TCF7L1: variants seen among roughly 807,000 people sequenced by gnomAD.
TCF7L1 encodes transcription factor 7 like 1, also known as transcription factor 7-like 1.
TCF7L1 carries 18 observed loss-of-function variants against 63.7 expected under a neutral mutation model. The observed-to-expected ratio is 0.28, with a 90% CI of 0.20 to 0.42. The LOEUF (loss-of-function observed/expected upper bound fraction) is 0.42. Ranked by LOEUF, TCF7L1 falls within the 10% of genes least tolerant of loss-of-function variation. The probability of loss-of-function intolerance (pLI) is 1.00; values close to 1 mark genes in which losing one functional copy is unlikely to be tolerated. For missense variants in TCF7L1, 654 were observed against 779.3 expected (o/e 0.84, Z 1.91); for synonymous variants, 355 against 340.9 (o/e 1.04, Z -0.46).
chr2:85,164,709 G>A (rs1021330416), intron 3 of TCF7L1, among the ~76,000 whole-genome samples: 4 of 152,158 alleles, frequency 2.6e-5, no homozygotes, highest in African/African-American at 9.7e-5. Flanking sequence ...AAACCACAGG[G>A]ACATTAACAG....
intron 3 of TCF7L1, among the ~76,000 whole-genome samples, chr2:85,232,326 A>G (rs956039273): frequency 6.6e-6 from 1 of 151,764 alleles, no homozygotes; most frequent in African/African-American, 2.4e-5. Flanking sequence ...ATCCTCCATT[A>G]TTTCTTCTCC....
chr2:85,163,947 C>T (rs1678349312), intron 3 of TCF7L1, among the ~76,000 whole-genome samples: 1 of 152,116 alleles, frequency 6.6e-6, no homozygotes, highest in South Asian at 2.1e-4. Flanking sequence ...AGTACACATA[C>T]ATAGTACACC....
At position 85,226,178 on chromosome 2, in the gene TCF7L1, T is replaced by C. The variant is rs1170681728; in HGVS notation, c.442-57317T>C. On this transcript the variant is annotated intron_variant, in intron 3 of 11. Coordinates refer to ENST00000282111, the MANE Select transcript of TCF7L1 (RefSeq NM_031283.3). Reference sequence around the variant, plus strand: ...TGATGTGCTGCTGGATTCGGTTTGCTAGTATTTTATTGAGGATCTTCGCAT... The same window carrying C: ...TGATGTGCTGCTGGATTCGGTTTGCCAGTATTTTATTGAGGATCTTCGCAT... Among the ~76,000 whole-genome samples the C allele has an allele frequency of 3.3e-5, 5 of 152,216 alleles. 1 individual carries two copies. The highest frequency in any genetic ancestry group is 7.2e-5 in the African/African-American group (3 of 41,466).
In TCF7L1 at chr2:85,133,640, C is replaced by T; in HGVS notation, c.-45C>T. ...CGGGCCGGGCCGGGCAGGGCGCGGG[C>T]GGCTAGGGGCTCCGAGAGCGGCGGC... On this transcript the variant is annotated 5_prime_UTR_variant, in exon 1 of 12. Transcript: ENST00000282111. This position sits in a 1 kb window ranked among gnomAD's most constrained non-coding sequence, Gnocchi z 4.4. 1 of 795,496 alleles carries T rather than the reference C, an allele frequency of 1.3e-6. No individual in the cohort carries two copies. The highest frequency in any genetic ancestry group is 1.5e-6 in the Non-Finnish European group (1 of 658,572). 49.3% of individuals were successfully genotyped at this position (795,496 alleles called of 1,614,324 possible).
intron 3 of TCF7L1, among the ~76,000 whole-genome samples, chr2:85,193,187 G>T (rs13026423): frequency 6.6e-6 from 1 of 152,070 alleles, no homozygotes; most frequent in Non-Finnish European, 1.5e-5. Flanking sequence ...TTTTATTCTC[G>T]TGGGTGATGG....
chr2:85,170,994 C>T (rs1227617775), intron 3 of TCF7L1, among the ~76,000 whole-genome samples: 2 of 152,100 alleles, frequency 1.3e-5, no homozygotes, highest in Non-Finnish European at 2.9e-5. Context: ...TGCCTGTTCT[C>T]ATGCTGCTAA....
In TCF7L1 at chr2:85,134,142, G is replaced by A; in HGVS notation, c.313+63G>A. ...CCGCTGCGCTCCGCTGCTCAGCCCG[G>A]GCGGCCCACCGTCCCCCTTGCTTGG... On this transcript the variant is annotated intron_variant, in intron 2 of 11. Transcript: ENST00000282111. The surrounding 1 kb of genome is among the most constrained non-coding windows in gnomAD (Gnocchi z 5.0). 1.3e-6 allele frequency: 2 copies of A among 1,580,114 alleles called. No individual in the cohort carries two copies. The highest frequency in any genetic ancestry group is 4.6e-5 in the East Asian group (2 of 43,014).
rs746616890 is a variant in TCF7L1, at chr2:85,309,323, C to T, written c.1628C>T (p.Ser543Phe). ...ATGGGCAGCCAGCCTCCCCTCCTGT[C>T]CCGGCCCCTCCCCCTTGGGTCCATG... is the stretch of plus-strand genomic sequence containing the variant. ...GQMGSQPPLL[S>F]RPLPLGSMPT... Residue 543 changes from serine (S) to phenylalanine (F), a missense_variant, in exon 12 of 12, where the codon TCC (serine) becomes TTC (phenylalanine). Around this residue, in one of 3 missense-constraint regions of TCF7L1, gnomAD observed 184 missense variants for 204.0 expected, o/e 0.90. Coordinates refer to ENST00000282111, the MANE Select transcript of TCF7L1 (RefSeq NM_031283.3). 8 of 1,613,070 alleles carry T rather than the reference C, an allele frequency of 5.0e-6. No individual in the cohort carries two copies. The highest frequency in any genetic ancestry group is 6.8e-6 in the Non-Finnish European group (8 of 1,179,824).
At chr2:85,291,768 G>T (rs1362279938) in intron 4 of TCF7L1, among the ~76,000 whole-genome samples, 1 of 152,056 alleles carries the variant, frequency 6.6e-6, no homozygotes. Flanking sequence ...AGGCTGTAGT[G>T]CAGTGGCATG....
chr2:85,155,925 C>G (rs760568105), intron 3 of TCF7L1, among the ~76,000 whole-genome samples: 1 of 152,042 alleles, frequency 6.6e-6, no homozygotes, highest in Non-Finnish European at 1.5e-5. Flanking sequence ...AACAAAAGGC[C>G]CAGCTTGGTT....
chr2:85,254,840 G>A (rs1220348577), intron 3 of TCF7L1, among the ~76,000 whole-genome samples: 2 of 152,192 alleles, frequency 1.3e-5, no homozygotes, highest in African/African-American at 4.8e-5. Context: ...CAGGTATGTG[G>A]GGAAAACACG....
chr2:85,284,836 T>C (rs1421130167), intron 4 of TCF7L1, among the ~76,000 whole-genome samples: 1 of 152,182 alleles, frequency 6.6e-6, no homozygotes, highest in Non-Finnish European at 1.5e-5. Flanking sequence ...GTAGAGAGAA[T>C]TACATAATGA....
At chr2:85,244,410 G>T (rs1350793226) in intron 3 of TCF7L1, among the ~76,000 whole-genome samples, 1 of 152,192 alleles carries the variant, frequency 6.6e-6, no homozygotes, top group Non-Finnish European at 1.5e-5. Flanking sequence ...GGCCAGTGGG[G>T]CCTGGATGGT....
chr2:85,146,206 G>A (rs1300134503), intron 3 of TCF7L1, among the ~76,000 whole-genome samples: 3 of 152,160 alleles, frequency 2.0e-5, no homozygotes, highest in African/African-American at 7.2e-5. Flanking sequence ...TTGTGCATCT[G>A]ATATTATCAC....
intron 3 of TCF7L1, among the ~76,000 whole-genome samples, chr2:85,153,176 A>G (rs898016746): frequency 6.6e-6 from 1 of 152,120 alleles, no homozygotes; most frequent in African/African-American, 2.4e-5. Context: ...CTGAAGCCAT[A>G]CTTTGATGTA....
chr2:85,279,056 C>T (rs148094505), intron 3 of TCF7L1, among the ~76,000 whole-genome samples: 131 of 151,686 alleles, frequency 8.6e-4, no homozygotes, highest in African/African-American at 3.0e-3. Flanking sequence ...AGCCCAGCCA[C>T]GACACACTGG....
chr2:85,265,766 G>GTT (rs75640097), intron 3 of TCF7L1, among the ~76,000 whole-genome samples: 3,188 of 143,778 alleles, frequency 0.022, 115 homozygotes, highest in African/African-American at 0.077. Flanking sequence ...ACTTTACTGG[G>GTT]TTTTTTTTTT....
intron 3 of TCF7L1, among the ~76,000 whole-genome samples, chr2:85,171,060 C>T (rs1678534960): frequency 6.6e-6 from 1 of 152,156 alleles, no homozygotes; most frequent in Non-Finnish European, 1.5e-5. Context: ...AATGAACTCA[C>T]AGTTCCACAT....
chr2:85,260,331 A>G (rs1310993292), intron 3 of TCF7L1, among the ~76,000 whole-genome samples: 1 of 152,180 alleles, frequency 6.6e-6, no homozygotes, highest in African/African-American at 2.4e-5. Context: ...TTTCCAATTC[A>G]TCATTTAAAG....
Sources: allele counts gnomAD v4.1 joint callset (sites outside exome capture counted in the v4.1 genomes callset), GRCh38; gene constraint gnomAD v4.1.1; regional missense constraint gnomAD v4.1.1; non-coding constraint Gnocchi (gnomAD v3.1); transcripts MANE v1.5; gene names NCBI Gene and HGNC (gene_info 2026-07-23, HGNC 2026-07-21).